Variants in GLS2 observed in about 807,000 individuals in gnomAD.
GLS2 encodes glutaminase 2.
A neutral mutation model predicts 79.0 loss-of-function variants in GLS2; 52 were observed. The ratio of observed to expected loss-of-function variants is 0.66; its 90% CI spans 0.53 to 0.83. GLS2 has a LOEUF of 0.83. Ranked by LOEUF, GLS2 falls within the 40% of genes least tolerant of loss-of-function variation. GLS2 has a pLI of 0.00. For missense variants in GLS2, 561 were observed against 764.8 expected, an observed-to-expected ratio of 0.73 and a Z score of 3.14; for synonymous variants, 238 against 280.8, an observed-to-expected ratio of 0.85 and a Z score of 1.52.
At chr12:56,485,282 G>A (rs1870593798) in intron 1 of GLS2, among the ~76,000 whole-genome samples, 5 of 151,708 alleles carry the variant, frequency 3.3e-5, no homozygotes, top group Non-Finnish European at 5.9e-5. Flanking sequence ...TTTGACACAG[G>A]GTCTTGCTCT....
Position 56,477,926 on chromosome 12 carries a change from T to C in GLS2, c.778+7A>G. The C allele has an allele frequency of 1.2e-6, 2 of 1,611,114 alleles. No homozygotes were observed. Among genetic ancestry groups the C allele is most frequent in the South Asian group, 2.2e-5 (2 of 90,554 alleles). ...GTAAGTACGGTCTGAGCCTTGGTAG[T>C]GCTCACCTTCCTCATTGAGGGAGAG... On this transcript the variant is annotated splice_region_variant and intron_variant, in intron 6 of 17. Coordinates refer to ENST00000311966, the MANE Select transcript of GLS2 (RefSeq NM_013267.4).
intron 1 of GLS2, among the ~76,000 whole-genome samples, chr12:56,486,441 A>G (rs1870692884): frequency 1.3e-5 from 2 of 152,238 alleles, no homozygotes; most frequent in Non-Finnish European, 2.9e-5. Flanking sequence ...GGTGGAGACT[A>G]GAACAGGAGG....
chr12:56,473,832 C>G, intron 12 of GLS2: 1 of 451,280 alleles, frequency 2.2e-6, no homozygotes, highest in Non-Finnish European at 3.8e-6. Context: ...AGATGCTGTG[C>G]TAGAACTAGG....
rs1015573938 is a variant in GLS2, at chr12:56,474,538, A to G, written c.1224+6T>C. The G allele has an allele frequency of 3.1e-6, 5 of 1,613,584 alleles. No homozygotes were observed. In the African/African-American group the frequency reaches 5.3e-5, roughly 17 times the overall value. ...TGACAGATGGATAGCAGAGCCAGAA[A>G]CTCACGTGGAAGGCAAACTGGCCAG... is the stretch of plus-strand genomic sequence containing the variant. On this transcript the variant is annotated splice_donor_region_variant and intron_variant, in intron 12 of 17. Transcript: ENST00000311966.
rs1410276253 is a variant in GLS2 at position 56,477,692 on chromosome 12, C to T, written c.805G>A (p.Ala269Thr). Reference sequence around the variant, plus strand: ...AGGGAGCTGACAACAATGGCACCAGCATTGACCATGGGGTTATGGGGGATT... The same window carrying T: ...AGGGAGCTGACAACAATGGCACCAGTATTGACCATGGGGTTATGGGGGATT... The part of the protein sequence containing the change: ...EGIPHNPMVN[A>T]GAIVVSSLIK... The change falls in exon 7 of 18, where the codon GCT becomes ACT. Residue 269 changes from alanine (A) to threonine (T), a missense_variant. Coordinates refer to ENST00000311966, the MANE Select transcript of GLS2 (RefSeq NM_013267.4). 2.5e-6 allele frequency: 4 copies of T among 1,613,518 alleles called. No homozygotes were observed. The South Asian group carries it at 3.3e-5, about 13-fold the overall frequency.
At chr12:56,477,054 A>G (rs960819309) in intron 7 of GLS2, 3 of 152,184 alleles carry the variant, frequency 2.0e-5, no homozygotes, top group African/African-American at 7.2e-5. Context: ...CAGAGTCAAT[A>G]CCACAGGGAC....
chr12:56,472,052 G>C, intron 16 of GLS2, 67 bp downstream of exon 16: 1 of 1,536,252 alleles, frequency 6.5e-7, no homozygotes, highest in Non-Finnish European at 9.0e-7. Flanking sequence ...TATAATGAAG[G>C]TACTTTTGGT....
intron 1 of GLS2, among the ~76,000 whole-genome samples, chr12:56,484,088 G>A (rs1008614292): frequency 6.6e-6 from 1 of 152,064 alleles, no homozygotes; most frequent in African/African-American, 2.4e-5. Flanking sequence ...TGACCAACAT[G>A]GTGAAACCCC....
In GLS2 at chr12:56,475,623, C is replaced by G. The variant is rs1191485742; in HGVS notation, c.929+1G>C. 1.2e-6 allele frequency: 2 copies of G among 1,613,942 alleles called. No individual in the cohort carries two copies. The highest frequency in any genetic ancestry group is 2.7e-5 in the African/African-American group (2 of 74,900). On this transcript the variant is annotated splice_donor_variant, in intron 9 of 17. Coordinates refer to ENST00000311966, the MANE Select transcript of GLS2 (RefSeq NM_013267.4). LOFTEE classifies it high-confidence loss of function. The stretch of plus-strand genomic sequence containing the variant: ...AGTCAGTCCTCTGAGTAGGGACTTA[C>G]GTGGCATTGCTGAAACCCATGTATT...
chr12:56,484,227 G>C (rs988301533), intron 1 of GLS2, among the ~76,000 whole-genome samples: 1 of 152,078 alleles, frequency 6.6e-6, no homozygotes, highest in Non-Finnish European at 1.5e-5. Context: ...CTGAGATTAC[G>C]CCACTGCTCT....
chr12:56,477,223 C>G (rs7137402), intron 7 of GLS2: 1,672 of 154,326 alleles, frequency 0.011, 31 homozygotes, highest in African/African-American at 0.038. Flanking sequence ...CTGTTCAAGG[C>G]CAACTCACAG....
Position 56,477,939 on chromosome 12 carries a change from C to A in GLS2, c.772G>T (p.Glu258Ter). The A allele has an allele frequency of 6.2e-7, 1 of 1,612,668 alleles. No individual in the cohort carries two copies. The highest frequency in any genetic ancestry group is 8.5e-7 in the Non-Finnish European group (1 of 1,179,112). Residue 258 changes from glutamate to a stop codon, truncating the protein, a stop_gained, in exon 6 of 18, where the codon GAG (glutamate) becomes TAG (stop). Transcript: ENST00000311966. LOFTEE classifies it high-confidence loss of function. ...GLRYNKLSLN[E>*]EGIPHNPMVN... ...GAGCCTTGGTAGTGCTCACCTTCCT[C>A]ATTGAGGGAGAGCTTGTTGTAGCGC...
rs755412206 is a variant in GLS2 at position 56,475,975 on chromosome 12, C to T, written c.840G>A (p.Met280Ile). 1.2e-6 allele frequency: 2 copies of T among 1,613,072 alleles called. No homozygotes were observed. Among genetic ancestry groups the T allele is most frequent in the Admixed American group, 1.7e-5 (1 of 59,980 alleles). Residue 280 changes from methionine to isoleucine, a missense_variant and splice_region_variant, in exon 8 of 18, where the codon ATG (methionine) becomes ATA (isoleucine). This residue lies in a region of GLS2 where 221 missense variants were observed against 275.6 expected (regional missense o/e 0.80). Coordinates refer to ENST00000311966, the MANE Select transcript of GLS2 (RefSeq NM_013267.4). ...GAIVVSSLIKMDCNKAEKFDF... is the reference protein window; with the variant it reads ...GAIVVSSLIKIDCNKAEKFDF... ...CAAACTTCTCTGCTTTGTTACAGTC[C>T]ATCTGCAGAGAAAGAGAGAGATGTC...
At chr12:56,474,502 C>T (rs1366801092) in intron 12 of GLS2, 42 bp downstream of exon 12, 2 of 1,609,398 alleles carry the variant, frequency 1.2e-6, no homozygotes, top group Non-Finnish European at 1.7e-6. Context: ...CTCTTCTTAG[C>T]ACTGGGCTCA....
In GLS2 at chr12:56,478,374, G is replaced by C; in HGVS notation, c.535-112C>G. On this transcript the variant is annotated intron_variant, in intron 4 of 17. Transcript: ENST00000311966. Reference sequence around the variant, plus strand: ...AAAAGCTAAAATTCTGTCTTCTATAGGGCAGAGGGGTTCCCTCCTGCCTGT... The same window carrying C: ...AAAAGCTAAAATTCTGTCTTCTATACGGCAGAGGGGTTCCCTCCTGCCTGT... 4 of 1,108,560 alleles carry C rather than the reference G, an allele frequency of 3.6e-6. No individual in the cohort carries two copies. In the South Asian group the frequency reaches 5.9e-5, roughly 16 times the overall value. The allele number at this position is 1,108,560 out of a possible 1,614,324, so 68.7% of individuals were successfully genotyped here.
At position 56,485,937 on chromosome 12, in the gene GLS2, G is replaced by A. The variant is rs1870645677; in HGVS notation, c.182+2000C>T. Among the ~76,000 whole-genome samples the A allele has an allele frequency of 2.2e-5, 3 of 138,346 alleles. No homozygotes were observed. In the South Asian group the frequency reaches 6.7e-4, roughly 31 times the overall value. The allele number at this position is 138,346 out of a possible 152,430, so 90.8% of individuals were successfully genotyped here. A position where few individuals can be genotyped will look rare whatever the true frequency, so the allele number is the denominator to read the frequency against. ...GGTGCCTGTAATCCCAGCTACTCAG[G>A]AAGCTGAGGCAGAGGTTGCAGTGAG... is the stretch of plus-strand genomic sequence containing the variant. On this transcript the variant is annotated intron_variant, in intron 1 of 17. Coordinates refer to ENST00000311966, the MANE Select transcript of GLS2 (RefSeq NM_013267.4).
At chr12:56,477,636 T>A in intron 7 of GLS2, 24 bp downstream of exon 7, 6 of 1,606,520 alleles carry the variant, frequency 3.7e-6, no homozygotes, top group Non-Finnish European at 5.1e-6. Flanking sequence ...ATAATACCTA[T>A]CAGAAGGTTA....
intron 9 of GLS2, 165 bp downstream of exon 9, chr12:56,475,459 G>C: frequency 1.4e-6 from 1 of 734,498 alleles, no homozygotes; most frequent in Non-Finnish European, 2.2e-6. Context: ...TATTTTACAA[G>C]ATAAACAAAT....
At chr12:56,475,839 T>C (rs895112736) in intron 8 of GLS2, 106 bp downstream of exon 8, 1 of 1,418,972 alleles carries the variant, frequency 7.0e-7, no homozygotes, top group South Asian at 1.2e-5. Flanking sequence ...GCTTCTAGTA[T>C]GGGCTGGTGC....
Sources: gnomAD v4.1 joint callset for allele counts (sites outside exome capture counted in the v4.1 genomes callset) on GRCh38, gnomAD v4.1.1 for gene constraint, gnomAD v4.1.1 regional missense constraint, MANE v1.5 for transcripts, NCBI Gene and HGNC (gene_info 2026-07-23, HGNC 2026-07-21) for gene names.